The following PHACTR3 variants were observed in gnomAD, a reference collection of about 807,000 sequenced individuals.
PHACTR3 encodes the protein phosphatase and actin regulator 3, also known as protein phosphatase 1, regulatory subunit 123.
In PHACTR3, 16 loss-of-function variants were observed where a neutral mutation model predicts 66.8. The ratio of observed to expected loss-of-function variants is 0.24; its 90% CI spans 0.16 to 0.36. The LOEUF is 0.36. Ranked by LOEUF, PHACTR3 falls within the 10% of genes least tolerant of loss-of-function variation. The probability of loss-of-function intolerance (pLI) is 1.00; values close to 1 mark genes in which losing one functional copy is unlikely to be tolerated. For missense variants in PHACTR3, 647 were observed against 719.9 expected, an observed-to-expected ratio of 0.90 and a Z score of 1.16; for synonymous variants, 323 against 292.1, an observed-to-expected ratio of 1.11 and a Z score of -1.08.
Position 59,605,053 on chromosome 20 carries a change from G to C in PHACTR3, c.39G>C (p.Ser13=). ...AGGACGGGAGCGGCTGCCTCGTGTCGCGGGGCCGCTCGCAGAGTGACCCCA... is the reference window on the plus strand; with the variant it reads ...AGGACGGGAGCGGCTGCCTCGTGTCCCGGGGCCGCTCGCAGAGTGACCCCA... ...ASEDGSGCLV[S]RGRSQSDPSV... Residue 13 remains serine (S), a synonymous_variant, in exon 1 of 13, where the codon TCG becomes TCC. Transcript: ENST00000371015. 7.2e-7 allele frequency: 1 copy of C among 1,395,072 alleles called. No individual in the cohort carries two copies. The highest frequency in any genetic ancestry group is 9.4e-7 in the Non-Finnish European group (1 of 1,067,270). 86.4% of individuals were successfully genotyped at this position (1,395,072 alleles called of 1,614,324 possible). A position where few individuals can be genotyped will look rare whatever the true frequency, so the allele number is the denominator to read the frequency against.
At chr20:59,595,690 A>C (rs2033309745) in intron 1 of PHACTR3, among the ~76,000 whole-genome samples, 1 of 152,144 alleles carries the variant, frequency 6.6e-6, no homozygotes, top group Admixed American at 6.5e-5. Context: ...TATTGCGGTC[A>C]CCAACTTTAA....
chr20:59,725,154 G>C (rs979726037), intron 1 of PHACTR3, among the ~76,000 whole-genome samples: 5 of 151,912 alleles, frequency 3.3e-5, no homozygotes, highest in African/African-American at 4.8e-5. Flanking sequence ...TGCAAGCCCA[G>C]GTGTGCTGCG....
intron 5 of PHACTR3, among the ~76,000 whole-genome samples, chr20:59,769,773 C>A (rs147297097): frequency 4.6e-5 from 7 of 152,330 alleles, no homozygotes; most frequent in African/African-American, 1.7e-4. Flanking sequence ...TGAATGCATG[C>A]GTGCTCTGAA....
intron 10 of PHACTR3, 88 bp downstream of exon 10, chr20:59,840,518 A>G: frequency 6.4e-7 from 1 of 1,564,512 alleles, no homozygotes; most frequent in Non-Finnish European, 8.7e-7. Context: ...AATGCTAGGT[A>G]TCACTCTGTG....
At chr20:59,613,933 C>T (rs778223085) in intron 1 of PHACTR3, among the ~76,000 whole-genome samples, 3 of 152,312 alleles carry the variant, frequency 2.0e-5, no homozygotes, top group East Asian at 1.9e-4. Flanking sequence ...CAGCGATCAA[C>T]GGCTGGAGTG....
At chr20:59,713,204 G>T (rs2037967880) in intron 1 of PHACTR3, among the ~76,000 whole-genome samples, 1 of 152,220 alleles carries the variant, frequency 6.6e-6, no homozygotes, top group Admixed American at 6.5e-5. Flanking sequence ...GAGGCCCAGA[G>T]AAATTCCAAC....
At chr20:59,841,607 T>C in intron 11 of PHACTR3, 72 bp downstream of exon 11, 1 of 1,505,010 alleles carries the variant, frequency 6.6e-7, no homozygotes, top group Non-Finnish European at 8.9e-7. Context: ...TGCCAGGGAG[T>C]TTATTCATAG....
At chr20:59,605,157 GGC>G in intron 1 of PHACTR3, 25 bp downstream of exon 1, 2 of 1,276,010 alleles carry the variant, frequency 1.6e-6, no homozygotes, top group Non-Finnish European at 2.0e-6. Flanking sequence ...GGGGGCGGCG[GGC>G]GGGTCGGGGA....
chr20:59,801,834 AAC>A (rs2041422113), intron 7 of PHACTR3, among the ~76,000 whole-genome samples: 1 of 152,232 alleles, frequency 6.6e-6, no homozygotes, highest in African/African-American at 2.4e-5. Flanking sequence ...CACAAATAGA[AAC>A]ACACATAATG....
intron 1 of PHACTR3, among the ~76,000 whole-genome samples, chr20:59,695,308 C>T (rs923108344): frequency 2.0e-5 from 3 of 152,194 alleles, no homozygotes; most frequent in African/African-American, 4.8e-5. Context: ...TTTCCCCTTG[C>T]TGTTCTCATG....
chr20:59,831,396 TCCCTG>T (rs2042371705), intron 8 of PHACTR3, among the ~76,000 whole-genome samples: 1 of 152,138 alleles, frequency 6.6e-6, no homozygotes, highest in Admixed American at 6.5e-5. Flanking sequence ...CTGCTCTCTG[TCCCTG>T]GGGTTTCTTT....
chr20:59,787,954 T>C (rs2040968664), intron 7 of PHACTR3, among the ~76,000 whole-genome samples: 1 of 152,122 alleles, frequency 6.6e-6, no homozygotes, highest in African/African-American at 2.4e-5. Context: ...CACAGATGCA[T>C]TTTTCCGTTT....
At chr20:59,621,637 T>G (rs1296964830) in intron 1 of PHACTR3, among the ~76,000 whole-genome samples, 1 of 152,222 alleles carries the variant, frequency 6.6e-6, no homozygotes, top group Non-Finnish European at 1.5e-5. Flanking sequence ...TGGCTGGCAG[T>G]GGCAGTCTAG....
chr20:59,588,336 T>A (rs1364880367), intron 1 of PHACTR3, among the ~76,000 whole-genome samples: 3 of 152,192 alleles, frequency 2.0e-5, no homozygotes, highest in Non-Finnish European at 4.4e-5. Context: ...GCCCCCTTGC[T>A]GAGCATTTCT....
In PHACTR3 at chr20:59,806,078, C is replaced by T. The variant is rs1007963323; in HGVS notation, c.1212C>T (p.Ala404=). 1.4e-5 allele frequency: 22 copies of T among 1,614,076 alleles called. No individual in the cohort carries two copies. Among genetic ancestry groups the T allele is most frequent in the African/African-American group, 4.0e-5 (3 of 74,926 alleles). ...LPRKCKKELL[A]VKLRNRPSKQ... is the part of the protein sequence containing the mutation. ...GGAAATGCAAGAAGGAGCTCCTGGCCGTGAAGCTAAGGAACCGGCCAAGCA... is the reference window on the plus strand; with the variant it reads ...GGAAATGCAAGAAGGAGCTCCTGGCTGTGAAGCTAAGGAACCGGCCAAGCA... The change falls in exon 8 of 13, where the codon GCC becomes GCT. Residue 404 remains alanine, a synonymous_variant. Coordinates refer to ENST00000371015, the MANE Select transcript of PHACTR3 (RefSeq NM_080672.5).
At chr20:59,645,599 G>T (rs79003946) in intron 1 of PHACTR3, among the ~76,000 whole-genome samples, 21 of 152,210 alleles carry the variant, frequency 1.4e-4, no homozygotes, top group African/African-American at 5.1e-4. Context: ...CTGGACATAT[G>T]TTATTCACGC....
In PHACTR3 at chr20:59,686,728, ATGATGGTGG is replaced by A. The variant is rs2036887883; in HGVS notation, c.119-56373_119-56365del. Among the ~76,000 whole-genome samples the A allele has an allele frequency of 4.0e-5, 5 of 125,882 alleles. No homozygotes were observed. In the South Asian group the frequency reaches 1.2e-3, roughly 30 times the overall value. The allele number at this position is 125,882 out of a possible 152,430, so 82.6% of individuals were successfully genotyped here. On this transcript the variant is annotated intron_variant, in intron 1 of 12. Transcript: ENST00000371015. ...GATGGTGGTGATGGTGGTGGTTATG[ATGATGGTGG>A]TGATGATGGTGATGATGATGGTGAT...
At chr20:59,578,358 TGGA>T (rs1206655667) in intron 1 of PHACTR3, among the ~76,000 whole-genome samples, 2 of 151,766 alleles carry the variant, frequency 1.3e-5, no homozygotes, top group African/African-American at 4.8e-5. Flanking sequence ...CGGAGTGGGG[TGGA>T]GGAGAGCTAG....
chr20:59,761,345 G>A (rs1326175854), intron 4 of PHACTR3, among the ~76,000 whole-genome samples: 2 of 152,138 alleles, frequency 1.3e-5, no homozygotes. Context: ...GGCACCGAGT[G>A]GAGGAACCTC....
Sources: allele counts gnomAD v4.1 joint callset (sites outside exome capture counted in the v4.1 genomes callset), GRCh38; gene constraint gnomAD v4.1.1; transcripts MANE v1.5; gene names NCBI Gene and HGNC (gene_info 2026-07-23, HGNC 2026-07-21).